ANKFN1: variants seen among roughly 807,000 people sequenced by gnomAD.
ANKFN1 encodes ankyrin repeat and fibronectin type III domain containing 1.
Under a neutral mutation model 108.7 loss-of-function variants are expected in ANKFN1, and 74 were observed. The ratio of observed to expected loss-of-function variants is 0.68; its 90% CI spans 0.56 to 0.83. The LOEUF (loss-of-function observed/expected upper bound fraction) is 0.83. Among genes scored for constraint, ANKFN1 ranks in the 40% least tolerant of loss-of-function variants. The probability of loss-of-function intolerance (pLI) is 0.00; values close to 1 mark genes in which losing one functional copy is unlikely to be tolerated. For missense variants in ANKFN1, 1,505 were observed against 1,382.3 expected (o/e 1.09, Z -1.41); for synonymous variants, 547 against 516.2 (o/e 1.06, Z -0.81).
At chr17:56,500,088 C>CATG (rs2051319887) in intron 20 of ANKFN1, among the ~76,000 whole-genome samples, 1 of 152,180 alleles carries the variant, frequency 6.6e-6, no homozygotes, top group East Asian at 1.9e-4. Flanking sequence ...GAACAGATTA[C>CATG]TACATCTGAC....
chr17:56,407,747 C>T (rs991726323), intron 8 of ANKFN1, among the ~76,000 whole-genome samples: 5 of 152,048 alleles, frequency 3.3e-5, no homozygotes, highest in Admixed American at 6.6e-5. Flanking sequence ...AACTGTAGGA[C>T]ATTTTAGCTA....
intron 2 of ANKFN1, among the ~76,000 whole-genome samples, chr17:56,217,828 A>G (rs967302813): frequency 6.6e-6 from 1 of 152,190 alleles, no homozygotes; most frequent in African/African-American, 2.4e-5. Flanking sequence ...GGTTTTGGGT[A>G]TAGAACTTTT....
At chr17:56,217,253 T>TTA (rs1381996612) in intron 2 of ANKFN1, among the ~76,000 whole-genome samples, 2 of 152,276 alleles carry the variant, frequency 1.3e-5, no homozygotes, top group African/African-American at 4.8e-5. Context: ...CTAGCTGACT[T>TTA]TAGGAATTTC....
intron 4 of ANKFN1, among the ~76,000 whole-genome samples, chr17:56,069,838 C>T (rs886559484): frequency 9.9e-5 from 15 of 152,106 alleles, no homozygotes; most frequent in Admixed American, 2.6e-4. Context: ...ACAGAGCAGC[C>T]CCTAGGGCTG....
chr17:56,474,899 A>G (rs11079233), intron 15 of ANKFN1, among the ~76,000 whole-genome samples: 82,155 of 152,026 alleles, frequency 0.54, 26,003 homozygotes, highest in East Asian at 0.87. Flanking sequence ...CTTCTTGATC[A>G]TGAGATCAAA....
intron 1 of ANKFN1, among the ~76,000 whole-genome samples, chr17:56,159,530 T>C (rs1417953107): frequency 6.6e-6 from 1 of 152,226 alleles, no homozygotes. Context: ...TCCCCAGATA[T>C]AATTTTGTTC....
At chr17:56,189,846 G>A (rs963464455) in intron 1 of ANKFN1, among the ~76,000 whole-genome samples, 1 of 152,004 alleles carries the variant, frequency 6.6e-6, no homozygotes, top group Non-Finnish European at 1.5e-5. Context: ...CAATTCTAAG[G>A]CTTGTGGTTT....
chr17:56,181,374 A>C (rs543302150), intron 1 of ANKFN1, among the ~76,000 whole-genome samples: 1 of 152,324 alleles, frequency 6.6e-6, no homozygotes, highest in African/African-American at 2.4e-5. Context: ...CTGTGTGCCA[A>C]ATCCTTTACA....
At chr17:56,473,777 A>T (rs777867132) in intron 15 of ANKFN1, 1 of 152,162 alleles carries the variant, frequency 6.6e-6, no homozygotes, top group South Asian at 2.1e-4. Flanking sequence ...AAATGACTAC[A>T]TAAAGGCAAG....
intron 4 of ANKFN1, among the ~76,000 whole-genome samples, chr17:56,329,235 G>C (rs1201963366): frequency 6.6e-6 from 1 of 152,114 alleles, no homozygotes; most frequent in Non-Finnish European, 1.5e-5. Context: ...GTCCTGGTGT[G>C]GTTGATGAAA....
At chr17:56,046,551 T>G (rs902482607) in intron 4 of ANKFN1, among the ~76,000 whole-genome samples, 1 of 152,170 alleles carries the variant, frequency 6.6e-6, no homozygotes, top group Non-Finnish European at 1.5e-5. Flanking sequence ...TATTTTCTTT[T>G]TTTTCCTTCT....
intron 4 of ANKFN1, among the ~76,000 whole-genome samples, chr17:56,145,894 A>G (rs533243519): frequency 7.2e-5 from 11 of 152,332 alleles, no homozygotes; most frequent in South Asian, 4.1e-4. Context: ...AACTCATTCC[A>G]GCATTAACTC....
rs1242543358 is a variant in ANKFN1 at position 56,448,937 on chromosome 17, C to T, written c.1100-142C>T. ...ATGGCAGCTTCCAAATCCTTGGCAT[C>T]GCCTGCTTGCTCTGCATGTGCGGGG... On this transcript the variant is annotated intron_variant, in intron 10 of 20. Coordinates refer to ENST00000682825, the MANE Select transcript of ANKFN1 (RefSeq NM_001370326.1). 3.4e-5 allele frequency: 21 copies of T among 613,280 alleles called. No homozygotes were observed. In the South Asian group the frequency reaches 4.3e-4, roughly 12 times the overall value. 38.0% of individuals were successfully genotyped at this position (613,280 alleles called of 1,614,324 possible). A position where few individuals can be genotyped will look rare whatever the true frequency, so the allele number is the denominator to read the frequency against.
intron 1 of ANKFN1, among the ~76,000 whole-genome samples, chr17:56,182,887 C>T (rs1212956763): frequency 6.6e-6 from 1 of 152,120 alleles, no homozygotes; most frequent in Non-Finnish European, 1.5e-5. Flanking sequence ...TCTGAAAATC[C>T]TAAGGCCCAT....
chr17:56,465,764 C>A (rs1397852515), intron 14 of ANKFN1, among the ~76,000 whole-genome samples: 1 of 152,162 alleles, frequency 6.6e-6, no homozygotes, highest in Non-Finnish European at 1.5e-5. Flanking sequence ...AGTTTATAAG[C>A]AATTTTAACA....
chr17:56,105,343 G>A (rs1051465063), intron 4 of ANKFN1, among the ~76,000 whole-genome samples: 1 of 152,118 alleles, frequency 6.6e-6, no homozygotes, highest in African/African-American at 2.4e-5. Flanking sequence ...CCAGAATGAT[G>A]TGCACTTGAT....
intron 4 of ANKFN1, among the ~76,000 whole-genome samples, chr17:56,130,869 A>C (rs752857080): frequency 3.3e-5 from 5 of 152,062 alleles, no homozygotes; most frequent in Non-Finnish European, 7.4e-5. Flanking sequence ...GCAACTTGTC[A>C]AACCTCCTTG....
At chr17:56,186,834 A>C (rs545370838) in intron 1 of ANKFN1, among the ~76,000 whole-genome samples, 1 of 152,332 alleles carries the variant, frequency 6.6e-6, no homozygotes, top group Admixed American at 6.5e-5. Flanking sequence ...AGAAACGGGG[A>C]AAGGATTCCC....
chr17:56,301,958 T>G (rs1295113670), intron 3 of ANKFN1, among the ~76,000 whole-genome samples: 1 of 152,218 alleles, frequency 6.6e-6, no homozygotes, highest in Non-Finnish European at 1.5e-5. Flanking sequence ...CTACCACTCT[T>G]CAACAGTCTT....
Sources: allele counts gnomAD v4.1 joint callset (sites outside exome capture counted in the v4.1 genomes callset), GRCh38; gene constraint gnomAD v4.1.1; transcripts MANE v1.5; gene names NCBI Gene and HGNC (gene_info 2026-07-23, HGNC 2026-07-21).